HADH: variants seen among roughly 807,000 people sequenced by gnomAD.
HADH encodes hydroxyacyl-CoA dehydrogenase.
A neutral mutation model predicts 32.2 loss-of-function variants in HADH; 24 were observed. The ratio of observed to expected loss-of-function variants is 0.75; its 90% confidence interval spans 0.54 to 1.05. HADH has a LOEUF of 1.05. Ranked by LOEUF, HADH falls within the 50% of genes least tolerant of loss-of-function variation. The pLI is 0.00. For missense variants in HADH, 350 were observed against 397.1 expected (o/e 0.88, Z 1.01); for synonymous variants, 139 against 152.5 (o/e 0.91, Z 0.65).
chr4:108,013,985 ACCATCT>A (rs1200203950), intron 2 of HADH, among the ~76,000 whole-genome samples: 1 of 152,160 alleles, frequency 6.6e-6, no homozygotes, highest in Non-Finnish European at 1.5e-5. Flanking sequence ...TTATAGAGGC[ACCATCT>A]CCAATTCTGT....
rs1239648547 is a variant in HADH at position 107,991,235 on chromosome 4, G to A, written c.132+1171G>A. ...CGTATCCTAGCTGATTATATTCTTA[G>A]CATTTCAGTCCTTTGCAACTTGGTT... On this transcript the variant is annotated intron_variant, in intron 1 of 7. Coordinates refer to ENST00000309522, the MANE Select transcript of HADH (RefSeq NM_005327.7). 2.0e-5 allele frequency among the ~76,000 whole-genome samples: 3 copies of A among 151,860 alleles called. No individual in the cohort carries two copies. The East Asian group carries it at 5.8e-4, about 29-fold the overall frequency.
At chr4:107,993,295 C>G (rs1355045260) in intron 1 of HADH, among the ~76,000 whole-genome samples, 1 of 152,158 alleles carries the variant, frequency 6.6e-6, no homozygotes, top group Admixed American at 6.5e-5. Context: ...AATGCATATA[C>G]CCGCTGATGC....
At chr4:108,027,004 G>T (rs1363928985) in intron 5 of HADH, 1 of 158,340 alleles carries the variant, frequency 6.3e-6, no homozygotes, top group African/African-American at 2.4e-5. Context: ...GGATGCAGAG[G>T]TCTTAGGGGG....
At chr4:108,014,776 G>T (rs900225933) in intron 3 of HADH, among the ~76,000 whole-genome samples, 188 bp downstream of exon 3, 19 of 152,058 alleles carry the variant, frequency 1.2e-4, no homozygotes, top group Admixed American at 4.6e-4. Context: ...TACCCAATAG[G>T]TAATTTTTCA....
chr4:108,026,230 A>G (rs7695795), intron 5 of HADH: 134,275 of 151,948 alleles, frequency 0.88, 59,821 homozygotes, highest in East Asian at 0.97. Flanking sequence ...TAGTAGAGAC[A>G]GGGTTTCACT....
At chr4:107,999,388 G>A (rs1312889305) in intron 1 of HADH, among the ~76,000 whole-genome samples, 1 of 152,180 alleles carries the variant, frequency 6.6e-6, no homozygotes, top group African/African-American at 2.4e-5. Flanking sequence ...GTACTAGAAA[G>A]CAGTTAATCT....
chr4:107,992,098 G>T (rs749203100), intron 1 of HADH, among the ~76,000 whole-genome samples: 32 of 152,300 alleles, frequency 2.1e-4, no homozygotes, highest in South Asian at 2.1e-4. Flanking sequence ...CCTGACAAAG[G>T]AGTAAGGAGA....
intron 6 of HADH, chr4:108,032,682 C>T (rs1363029005): frequency 2.0e-5 from 7 of 341,516 alleles, no homozygotes; most frequent in Non-Finnish European, 3.8e-5. Context: ...CTCAGTGGTG[C>T]GTAGCTTTGA....
chr4:108,027,268 AGCATTTTATGTGTT>A, intron 5 of HADH: 1 of 333,518 alleles, frequency 3.0e-6, no homozygotes, highest in South Asian at 2.6e-5. Context: ...CTGTGTGTAC[AGCATTTTATGTGTT>A]TTCTGATTTA....
chr4:107,991,236 C>T (rs902547693), intron 1 of HADH, among the ~76,000 whole-genome samples: 1 of 152,022 alleles, frequency 6.6e-6, no homozygotes, highest in African/African-American at 2.4e-5. Context: ...ATATTCTTAG[C>T]ATTTCAGTCC....
At chr4:108,008,893 C>G (rs3796988) in intron 1 of HADH, among the ~76,000 whole-genome samples, 114,837 of 152,108 alleles carry the variant, frequency 0.75, 45,918 homozygotes, top group East Asian at 0.96. Flanking sequence ...AATACCTATT[C>G]CATGATCCTT....
At chr4:108,004,730 G>A (rs1208951187) in intron 1 of HADH, 1 of 1,533,518 alleles carries the variant, frequency 6.5e-7, no homozygotes, top group African/African-American at 1.4e-5. Context: ...AGAGAAGTTA[G>A]ATGGAAAAGA....
At chr4:108,030,832 C>T (rs562019076) in intron 6 of HADH, 1 of 152,326 alleles carries the variant, frequency 6.6e-6, no homozygotes, top group South Asian at 2.1e-4. Context: ...TCACTTGGCA[C>T]ACCAATCTCT....
At chr4:108,019,036 CTT>C (rs1469775459) in intron 3 of HADH, among the ~76,000 whole-genome samples, 1 of 152,076 alleles carries the variant, frequency 6.6e-6, no homozygotes, top group Non-Finnish European at 1.5e-5. Context: ...AAAAATAAAG[CTT>C]TTCACTTCAG....
At chr4:108,020,462 C>A (rs1475013564) in intron 4 of HADH, among the ~76,000 whole-genome samples, 2 of 152,036 alleles carry the variant, frequency 1.3e-5, no homozygotes, top group African/African-American at 2.4e-5. Context: ...AGAGCAAGAT[C>A]CTATATCGAA....
At chr4:108,032,279 A>G in intron 6 of HADH, 1 of 1,294,524 alleles carries the variant, frequency 7.7e-7, no homozygotes, top group Non-Finnish European at 1.1e-6. Flanking sequence ...GACATAGTAA[A>G]TTTCCAAGGG....
intron 1 of HADH, among the ~76,000 whole-genome samples, chr4:107,995,844 C>T (rs1236878205): frequency 1.3e-5 from 2 of 152,128 alleles, no homozygotes; most frequent in African/African-American, 2.4e-5. Context: ...CTCTGTGGCT[C>T]TCTGGAATCA....
At chr4:107,999,037 A>G (rs1002503668) in intron 1 of HADH, among the ~76,000 whole-genome samples, 8 of 152,198 alleles carry the variant, frequency 5.3e-5, no homozygotes, top group African/African-American at 1.4e-4. Flanking sequence ...GCTTTCGCCA[A>G]TCTCTTAAAG....
chr4:108,034,263 AC>A lies in HADH; in HGVS notation c.854del (p.Pro285HisfsTer9). 1 of 1,612,058 alleles carries A rather than the reference AC, an allele frequency of 6.2e-7. No individual in the cohort carries two copies. Among genetic ancestry groups the A allele is most frequent in the Non-Finnish European group, 8.5e-7 (1 of 1,178,056 alleles). ...GGGTGGCATGAAATGGATGCAGAGAACCCATTACATCAGCCCAGCCCATCCT... is the reference window on the plus strand; with the variant it reads ...GGGTGGCATGAAATGGATGCAGAGAACCATTACATCAGCCCAGCCCATCCT... ...VDGWHEMDAE[N>X]PLHQPSPSLN... On this transcript the variant is annotated frameshift_variant, in exon 8 of 8. Transcript: ENST00000309522. LOFTEE classifies it high-confidence loss of function.
Sources: gnomAD v4.1 joint callset for allele counts (sites outside exome capture counted in the v4.1 genomes callset) on GRCh38, gnomAD v4.1.1 for gene constraint, MANE v1.5 for transcripts, NCBI Gene and HGNC (gene_info 2026-07-23, HGNC 2026-07-21) for gene names.